Variants in NXPE2 observed in about 807,000 individuals in gnomAD.
NXPE2 encodes the protein NXPE family member 2.
In NXPE2, 34 loss-of-function variants were observed where a neutral mutation model predicts 34.4. The observed-to-expected ratio is 0.99, with a 90% confidence interval of 0.75 to 1.31. The LOEUF (loss-of-function observed/expected upper bound fraction) is 1.31, where lower values mean the gene tolerates loss of function less well. Among genes scored for constraint, NXPE2 ranks in the 40% most tolerant of loss-of-function variants. NXPE2 has a pLI of 0.00. For synonymous variants in NXPE2, 235 were observed against 231.3 expected, an observed-to-expected ratio of 1.02 and a Z score of -0.15; for missense variants, 649 against 672.5, an observed-to-expected ratio of 0.97 and a Z score of 0.39.
chr11:114,656,936 C>CA, the NXPE2 span, among the ~76,000 whole-genome samples: 40 of 151,770 alleles, frequency 2.6e-4, no homozygotes, highest in Admixed American at 7.9e-4. Flanking sequence ...ACTAAAAATA[C>CA]AAAAAAAATT....
chr11:114,627,054 G>A, the NXPE2 span, among the ~76,000 whole-genome samples: 1 of 152,098 alleles, frequency 6.6e-6, no homozygotes, highest in African/African-American at 2.4e-5. Context: ...TTGTGTACCT[G>A]AAAGTGACGG....
At chr11:114,628,749 G>T in the NXPE2 span, among the ~76,000 whole-genome samples, 1 of 151,206 alleles carries the variant, frequency 6.6e-6, no homozygotes, top group Non-Finnish European at 1.5e-5. Flanking sequence ...TTTTTGAAAG[G>T]ATCAACAAAA....
chr11:114,618,944 A>G, the NXPE2 span, among the ~76,000 whole-genome samples: 11 of 152,072 alleles, frequency 7.2e-5, no homozygotes, highest in Non-Finnish European at 1.3e-4. Flanking sequence ...CCACTGGATA[A>G]TAAGTAGTAC....
the NXPE2 span, among the ~76,000 whole-genome samples, chr11:114,799,865 C>T: frequency 6.6e-6 from 1 of 151,554 alleles, no homozygotes. Flanking sequence ...CCCTTCATCT[C>T]ACCCTCCCTC....
chr11:114,675,930 C>T (rs1055757423), upstream of NXPE2, among the ~76,000 whole-genome samples: 4 of 151,748 alleles, frequency 2.6e-5, no homozygotes, highest in Non-Finnish European at 5.9e-5. Flanking sequence ...AATAGAGACC[C>T]CAGAAATAAA....
downstream of NXPE2, among the ~76,000 whole-genome samples, chr11:114,709,681 G>A (rs529573094): frequency 1.2e-4 from 19 of 152,222 alleles, no homozygotes; most frequent in East Asian, 5.8e-4. Context: ...CAAGGCGGGC[G>A]GATCATGAGG....
At chr11:114,539,424 A>G in the NXPE2 span, among the ~76,000 whole-genome samples, 1 of 135,698 alleles carries the variant, frequency 7.4e-6, no homozygotes, top group Non-Finnish European at 1.5e-5. Flanking sequence ...CCTAAAACTT[A>G]AAGTATAATA....
chr11:114,811,558 C>T, the NXPE2 span, among the ~76,000 whole-genome samples: 3 of 152,204 alleles, frequency 2.0e-5, no homozygotes, highest in South Asian at 4.1e-4. Flanking sequence ...AGGCAAACAG[C>T]CAGGCAGTGG....
chr11:114,733,698 T>C, the NXPE2 span, among the ~76,000 whole-genome samples: 1 of 152,214 alleles, frequency 6.6e-6, no homozygotes, highest in Middle Eastern at 3.2e-3. Context: ...AAATGGGGTG[T>C]GATCATCTTA....
the NXPE2 span, among the ~76,000 whole-genome samples, chr11:114,540,650 A>C: frequency 6.6e-6 from 1 of 151,962 alleles, no homozygotes; most frequent in Admixed American, 6.6e-5. Flanking sequence ...TGCAATGTTC[A>C]ACTCTGAACG....
the NXPE2 span, among the ~76,000 whole-genome samples, chr11:114,476,619 A>C: frequency 6.6e-6 from 1 of 152,148 alleles, no homozygotes; most frequent in Non-Finnish European, 1.5e-5. Context: ...GGAAGCAAGC[A>C]CCTTCTTCAC....
chr11:114,679,745 T>C lies in NXPE2; in HGVS notation c.115T>C (p.Ser39Pro). 1 of 1,547,798 alleles carries C rather than the reference T, an allele frequency of 6.5e-7. No homozygotes were observed. The highest frequency in any genetic ancestry group is 8.7e-7 in the Non-Finnish European group (1 of 1,143,778). ...ILIFWIIYLA[S>P]KDHTKFSFNL... ...AATTTTCTGGATCATTTACTTGGCT[T>C]CAAAAGACCACACAAAGGTAGGAAG... The change falls in exon 2 of 6, where the codon TCA becomes CCA. Residue 39 changes from serine to proline, a missense_variant. By Grantham distance (74) the Ser-to-Pro change is moderately conservative (BLOSUM62 -1). Transcript: ENST00000389586.
chr11:114,704,143 T>C, intron 4 of NXPE2, 91 bp downstream of exon 4: 1 of 928,028 alleles, frequency 1.1e-6, no homozygotes, highest in Non-Finnish European at 1.7e-6. Context: ...CATTAACGAT[T>C]TGATCTCTCA....
At chr11:114,782,762 C>A in the NXPE2 span, among the ~76,000 whole-genome samples, 1 of 152,180 alleles carries the variant, frequency 6.6e-6, no homozygotes, top group African/African-American at 2.4e-5. Flanking sequence ...GTTCTTGAAT[C>A]CAACACCTGA....
At chr11:114,623,248 C>A in the NXPE2 span, among the ~76,000 whole-genome samples, 1 of 151,798 alleles carries the variant, frequency 6.6e-6, no homozygotes, top group Non-Finnish European at 1.5e-5. Context: ...CACTGTTTCC[C>A]GGTGGGTAAT....
chr11:114,628,524 T>G, the NXPE2 span, among the ~76,000 whole-genome samples: 1 of 151,674 alleles, frequency 6.6e-6, no homozygotes, highest in African/African-American at 2.4e-5. Flanking sequence ...CAAAGCAGTG[T>G]GTAGAGGGAA....
chr11:114,615,220 A>T, the NXPE2 span, among the ~76,000 whole-genome samples: 2 of 151,806 alleles, frequency 1.3e-5, no homozygotes, highest in African/African-American at 4.8e-5. Context: ...GATACTAAGT[A>T]TCGCCTCTTG....
the NXPE2 span, among the ~76,000 whole-genome samples, chr11:114,736,288 A>G: frequency 6.6e-6 from 1 of 152,174 alleles, no homozygotes; most frequent in Admixed American, 6.5e-5. Flanking sequence ...TGGGAGCACT[A>G]TGGGAGACTG....
chr11:114,659,508 T>A, the NXPE2 span, among the ~76,000 whole-genome samples: 1 of 145,478 alleles, frequency 6.9e-6, no homozygotes, highest in African/African-American at 2.5e-5. Flanking sequence ...TAATATCAAG[T>A]GGTCTAACAA....
Sources: allele counts gnomAD v4.1 joint callset (sites outside exome capture counted in the v4.1 genomes callset), GRCh38; gene constraint gnomAD v4.1.1; transcripts MANE v1.5; gene names NCBI Gene and HGNC (gene_info 2026-07-23, HGNC 2026-07-21).